The following NRXN1 variants were observed in gnomAD, a reference collection of about 807,000 sequenced individuals.
NRXN1 encodes the protein neurexin-1.
NRXN1 carries 39 observed loss-of-function variants against 150.9 expected under a neutral mutation model. The observed-to-expected ratio is 0.26, with a 90% CI of 0.20 to 0.34. The LOEUF is 0.34. Among genes scored for constraint, NRXN1 ranks in the 10% least tolerant of loss-of-function variants. The pLI, the probability that NRXN1 is intolerant of heterozygous loss-of-function variation, is 1.00. For missense variants in NRXN1, 1,815 were observed against 1,949.9 expected (o/e 0.93, Z 1.30); for synonymous variants, 924 against 757.0 (o/e 1.22, Z -3.62).
At chr2:51,005,635 A>C (rs1160100052) in intron 2 of NRXN1, among the ~76,000 whole-genome samples, 16 of 151,992 alleles carry the variant, frequency 1.1e-4, no homozygotes, top group Admixed American at 1.1e-3. Flanking sequence ...GTGTCAATAC[A>C]CAAAGGAGAA....
intron 17 of NRXN1, among the ~76,000 whole-genome samples, chr2:50,436,590 G>C (rs1460321892): frequency 1.2e-4 from 18 of 152,112 alleles, no homozygotes; most frequent in Non-Finnish European, 1.5e-5. Flanking sequence ...ACTAATCCCA[G>C]ATAGGTTTCA....
chr2:50,965,858 T>G (rs1187309697), intron 2 of NRXN1, among the ~76,000 whole-genome samples: 1 of 151,622 alleles, frequency 6.6e-6, no homozygotes, highest in African/African-American at 2.4e-5. Flanking sequence ...GTTCATTATT[T>G]TTTAGGCTTT....
intron 21 of NRXN1, among the ~76,000 whole-genome samples, chr2:49,950,549 C>T (rs1008910175): frequency 5.9e-5 from 9 of 151,812 alleles, no homozygotes; most frequent in South Asian, 2.1e-4. Flanking sequence ...ATTGTGGTTC[C>T]GATATGCAAA....
At chr2:50,966,307 C>T (rs561092606) in intron 2 of NRXN1, among the ~76,000 whole-genome samples, 4 of 150,528 alleles carry the variant, frequency 2.7e-5, no homozygotes, top group Non-Finnish European at 4.4e-5. Flanking sequence ...TAAATCATGG[C>T]GCCACATCAG....
chr2:51,027,360 T>C, intron 2 of NRXN1, 142 bp downstream of exon 2: 1 of 792,996 alleles, frequency 1.3e-6, no homozygotes, highest in Non-Finnish European at 1.8e-6. Context: ...AGGTAGAGAG[T>C]CCCCCAGAAA....
At chr2:50,684,612 CAACT>C (rs1186366369) in intron 5 of NRXN1, among the ~76,000 whole-genome samples, 3 of 152,134 alleles carry the variant, frequency 2.0e-5, no homozygotes, top group African/African-American at 7.2e-5. Context: ...AGTTGTTCCT[CAACT>C]AACTCTTTCT....
At chr2:50,264,193 T>C (rs1415951642) in intron 17 of NRXN1, among the ~76,000 whole-genome samples, 1 of 152,090 alleles carries the variant, frequency 6.6e-6, no homozygotes, top group East Asian at 1.9e-4. Flanking sequence ...TGTGTATTTA[T>C]ATATTTTCCT....
chr2:50,283,179 T>C (rs1349509607), intron 17 of NRXN1, among the ~76,000 whole-genome samples: 2 of 152,186 alleles, frequency 1.3e-5, no homozygotes, highest in African/African-American at 4.8e-5. Context: ...GAAATAAGAA[T>C]GTGAAATTGT....
intron 2 of NRXN1, among the ~76,000 whole-genome samples, chr2:50,979,744 G>A (rs1022044470): frequency 6.6e-6 from 1 of 152,034 alleles, no homozygotes; most frequent in Non-Finnish European, 1.5e-5. Flanking sequence ...AGGATTCTAC[G>A]TATGCCATCA....
chr2:50,327,665 G>C (rs1431504414), intron 17 of NRXN1, among the ~76,000 whole-genome samples: 3 of 87,782 alleles, frequency 3.4e-5, no homozygotes, highest in African/African-American at 1.3e-4. Flanking sequence ...CTTTTTTTTT[G>C]TTTTGACAGA....
chr2:50,578,928 T>G (rs1173325823), intron 8 of NRXN1, among the ~76,000 whole-genome samples: 1 of 152,132 alleles, frequency 6.6e-6, no homozygotes, highest in Non-Finnish European at 1.5e-5. Flanking sequence ...CTCTCAACAC[T>G]GAGGGCATCT....
intron 5 of NRXN1, among the ~76,000 whole-genome samples, chr2:50,789,652 G>A (rs1363028692): frequency 1.3e-5 from 2 of 152,110 alleles, no homozygotes; most frequent in Admixed American, 1.3e-4. Flanking sequence ...ACTCAGATAA[G>A]CTATAGACAT....
At chr2:50,613,018 G>C (rs12468395) in intron 8 of NRXN1, among the ~76,000 whole-genome samples, 32,168 of 151,964 alleles carry the variant, frequency 0.21, 4,210 homozygotes, top group East Asian at 0.39. Context: ...AACTAGGCTG[G>C]GCCTATAACA....
At chr2:50,188,677 G>GA (rs367633036) in intron 18 of NRXN1, among the ~76,000 whole-genome samples, 694 of 146,142 alleles carry the variant, frequency 4.7e-3, no homozygotes, top group Non-Finnish European at 5.3e-3. Flanking sequence ...AAATTTACAA[G>GA]AAAAAAAAAA....
Position 51,028,554 on chromosome 2 carries a change from A to G in NRXN1, c.-281T>C, listed in dbSNP as rs35228545. On this transcript the variant is annotated 5_prime_UTR_variant, in exon 2 of 23. Coordinates refer to ENST00000401669, the MANE Select transcript of NRXN1 (RefSeq NM_001330078.2). ...ACCAAAGGGAGGATGCACTTTGGAG[A>G]CAACGTTCTGGAAAAGGCTTCAACA... is the stretch of plus-strand genomic sequence containing the variant. The G allele has an allele frequency of 0.25, 90,518 of 363,948 alleles. 11,996 individuals carry two copies. Among genetic ancestry groups the G allele is most frequent in the Non-Finnish European group, 0.29 (59,135 of 203,748 alleles). 22.5% of individuals were successfully genotyped at this position (363,948 alleles called of 1,614,324 possible). A position where few individuals can be genotyped will look rare whatever the true frequency, so the allele number is the denominator to read the frequency against.
intron 5 of NRXN1, among the ~76,000 whole-genome samples, chr2:50,769,607 C>T (rs984251488): frequency 1.3e-5 from 2 of 152,008 alleles, no homozygotes; most frequent in African/African-American, 2.4e-5. Flanking sequence ...CCAGTAACCA[C>T]GGGACCCGTT....
At chr2:49,974,465 G>C (rs1391230478) in intron 21 of NRXN1, among the ~76,000 whole-genome samples, 2 of 152,156 alleles carry the variant, frequency 1.3e-5, no homozygotes, top group Non-Finnish European at 2.9e-5. Flanking sequence ...TTCAAATCCA[G>C]TGTGATTGCT....
At chr2:50,201,791 C>A (rs1267046370) in intron 18 of NRXN1, among the ~76,000 whole-genome samples, 1 of 152,158 alleles carries the variant, frequency 6.6e-6, no homozygotes, top group Non-Finnish European at 1.5e-5. Context: ...AGTTTCTGAC[C>A]CTGGCTATAG....
chr2:50,689,788 A>C (rs575587221), intron 5 of NRXN1, among the ~76,000 whole-genome samples: 1 of 152,278 alleles, frequency 6.6e-6, no homozygotes, highest in East Asian at 1.9e-4. Context: ...AGAAAACAAA[A>C]GCTAACAACT....
Sources: allele counts gnomAD v4.1 joint callset (sites outside exome capture counted in the v4.1 genomes callset), GRCh38; gene constraint gnomAD v4.1.1; transcripts MANE v1.5; gene names NCBI Gene and HGNC (gene_info 2026-07-23, HGNC 2026-07-21).